Variants in VEPH1 observed in about 807,000 individuals in gnomAD.
VEPH1 encodes ventricular zone-expressed PH domain-containing protein homolog 1.
A neutral mutation model predicts 85.2 loss-of-function variants in VEPH1; 80 were observed. That is an observed-to-expected ratio of 0.94 (90% CI 0.78 to 1.13). The LOEUF (loss-of-function observed/expected upper bound fraction) is 1.13. VEPH1 is among the 50% of genes most tolerant of loss of function. The pLI, the probability that VEPH1 is intolerant of heterozygous loss-of-function variation, is 0.00. For missense variants in VEPH1, 955 were observed against 980.5 expected, an observed-to-expected ratio of 0.97 and a Z score of 0.35; for synonymous variants, 297 against 348.0, an observed-to-expected ratio of 0.85 and a Z score of 1.63.
At position 157,308,000 on chromosome 3, in the gene VEPH1, A is replaced by T. The variant is rs556744269; in HGVS notation, c.2010+5621T>A. ...GCTTTTCTACATTTTCTATTTAGTT[A>T]TTACTCACGTATAGATTTGTTATTG... On this transcript the variant is annotated intron_variant, in intron 11 of 13. Transcript: ENST00000362010. Among the ~76,000 whole-genome samples, 9 of 151,802 alleles carry T rather than the reference A, an allele frequency of 5.9e-5. No individual in the cohort carries two copies. In the South Asian group the frequency reaches 1.2e-3, roughly 21 times the overall value.
chr3:157,279,496 G>C (rs1173822946), intron 12 of VEPH1, among the ~76,000 whole-genome samples: 1 of 152,116 alleles, frequency 6.6e-6, no homozygotes, highest in African/African-American at 2.4e-5. Flanking sequence ...TGGCTTTAAA[G>C]GGGAAGTGAG....
intron 6 of VEPH1, chr3:157,413,549 C>G: frequency 6.1e-6 from 6 of 985,330 alleles, no homozygotes; most frequent in Non-Finnish European, 7.2e-6. Flanking sequence ...TCTTTCAGTG[C>G]TCTCTCCATT....
chr3:157,430,787 A>G (rs1733088244), intron 4 of VEPH1, among the ~76,000 whole-genome samples: 1 of 152,198 alleles, frequency 6.6e-6, no homozygotes, highest in Non-Finnish European at 1.5e-5. Context: ...TTTCTTTGTG[A>G]AGCAGTTGTA....
At chr3:157,401,806 G>C (rs558149274) in intron 6 of VEPH1, among the ~76,000 whole-genome samples, 2 of 151,848 alleles carry the variant, frequency 1.3e-5, no homozygotes, top group Non-Finnish European at 2.9e-5. Context: ...GAAGTAAGCA[G>C]AGAATGAACA....
intron 6 of VEPH1, among the ~76,000 whole-genome samples, chr3:157,411,034 G>T (rs1731492618): frequency 1.3e-5 from 2 of 152,178 alleles, no homozygotes; most frequent in South Asian, 4.1e-4. Flanking sequence ...TTTAGCTAAT[G>T]GATTGTAAAC....
At chr3:157,267,052 A>G (rs546074114) in intron 12 of VEPH1, among the ~76,000 whole-genome samples, 1 of 151,954 alleles carries the variant, frequency 6.6e-6, no homozygotes, top group East Asian at 1.9e-4. Flanking sequence ...CAGGATAAAA[A>G]TAATAAAATG....
intron 1 of VEPH1, among the ~76,000 whole-genome samples, chr3:157,502,896 G>C (rs578253025): frequency 4.6e-4 from 70 of 152,308 alleles, no homozygotes; most frequent in African/African-American, 1.5e-3. Flanking sequence ...CGTAGGCAGA[G>C]CCAGTTTCTT....
intron 3 of VEPH1, among the ~76,000 whole-genome samples, chr3:157,461,408 TG>T (rs1329992983): frequency 6.6e-6 from 1 of 152,218 alleles, no homozygotes; most frequent in Non-Finnish European, 1.5e-5. Flanking sequence ...GAAATAGCCC[TG>T]GACTCCTACT....
chr3:157,349,801 C>T (rs1034781583), intron 9 of VEPH1, among the ~76,000 whole-genome samples: 6 of 152,050 alleles, frequency 3.9e-5, no homozygotes, highest in Non-Finnish European at 5.9e-5. Context: ...CCACCACCTA[C>T]GAATCAATTT....
At chr3:157,316,069 A>C (rs1013020382) in intron 10 of VEPH1, 17 of 152,068 alleles carry the variant, frequency 1.1e-4, no homozygotes, top group African/African-American at 3.9e-4. Context: ...AGGCATGTCC[A>C]ATCTGTCTCT....
chr3:157,319,274 A>T (rs1397536998), intron 9 of VEPH1, among the ~76,000 whole-genome samples: 1 of 152,228 alleles, frequency 6.6e-6, no homozygotes, highest in Non-Finnish European at 1.5e-5. Context: ...TCTTGTATAA[A>T]ATCAGAAATC....
At chr3:157,287,417 A>G (rs1450281583) in intron 11 of VEPH1, among the ~76,000 whole-genome samples, 1 of 151,142 alleles carries the variant, frequency 6.6e-6, no homozygotes, top group Non-Finnish European at 1.5e-5. Context: ...TTGGCTTTAC[A>G]GGGGGCTGAT....
intron 11 of VEPH1, among the ~76,000 whole-genome samples, chr3:157,313,209 T>A (rs1458909349): frequency 6.6e-6 from 1 of 150,996 alleles, no homozygotes; most frequent in African/African-American, 2.4e-5. Flanking sequence ...CGGCCAACAT[T>A]TTTTTTTTAA....
rs1440750322 is a variant in VEPH1, at chr3:157,352,612, A to G, written c.1735+10752T>C. Among the ~76,000 whole-genome samples, 6 of 152,356 alleles carry G rather than the reference A, an allele frequency of 3.9e-5. No individual in the cohort carries two copies. The East Asian group carries it at 1.2e-3, about 29-fold the overall frequency. ...GCAGATGTCTAGAGAAAGGACAGGA[A>G]ATTAATATGAAAGAAAAGTTTTGTT... On this transcript the variant is annotated intron_variant, in intron 9 of 13. Transcript: ENST00000362010.
intron 5 of VEPH1, among the ~76,000 whole-genome samples, chr3:157,421,160 TC>T (rs766716090): frequency 1.3e-5 from 2 of 152,194 alleles, no homozygotes; most frequent in Non-Finnish European, 2.9e-5. Flanking sequence ...GTTAGCCACA[TC>T]GTGGAGCTCA....
rs16827724 is a variant in VEPH1, at chr3:157,478,646, C to T, written c.139-8117G>A. On this transcript the variant is annotated intron_variant, in intron 2 of 13. Transcript: ENST00000362010. ...TCAGAGAATTTTGAAAGGGGCCTTT[C>T]GAATGAAGCCATTGTGTACAGGATC... Among the ~76,000 whole-genome samples, 434 of 151,846 alleles carry T rather than the reference C, an allele frequency of 2.9e-3. 1 individual carries two copies. Among genetic ancestry groups the T allele is most frequent in the African/African-American group, 9.5e-3 (395 of 41,476 alleles).
intron 9 of VEPH1, among the ~76,000 whole-genome samples, chr3:157,357,709 T>C (rs1290342696): frequency 6.6e-6 from 1 of 152,142 alleles, no homozygotes; most frequent in Non-Finnish European, 1.5e-5. Context: ...GCCAGGCTAG[T>C]CTCGAACTCC....
intron 11 of VEPH1, among the ~76,000 whole-genome samples, chr3:157,289,039 G>A (rs1460657852): frequency 1.1e-4 from 16 of 152,166 alleles, no homozygotes; most frequent in Admixed American, 1.0e-3. Flanking sequence ...AAAGACTGAA[G>A]AAGCACCTGG....
In VEPH1 at chr3:157,470,368, G is replaced by C; in HGVS notation, c.300C>G (p.Asp100Glu). Reference sequence around the variant, plus strand: ...CGATTTTTGCATGAGGAGTGTCTTCGTCTTTCCCAAAGGGTCTCAGGTTAT... The same window carrying C: ...CGATTTTTGCATGAGGAGTGTCTTCCTCTTTCCCAAAGGGTCTCAGGTTAT... ...LEHNLRPFGK[D>E]EDTPHAKIAS... Residue 100 changes from aspartate to glutamate, a missense_variant, in exon 3 of 14, where the codon GAC (aspartate) becomes GAG (glutamate). Asp to Glu is a conservative substitution (Grantham distance 45, BLOSUM62 2). Coordinates refer to ENST00000362010, the MANE Select transcript of VEPH1 (RefSeq NM_001167912.2). 6.2e-7 allele frequency: 1 copy of C among 1,614,058 alleles called. No individual in the cohort carries two copies. Among genetic ancestry groups the C allele is most frequent in the Non-Finnish European group, 8.5e-7 (1 of 1,180,004 alleles).
Sources: allele counts gnomAD v4.1 joint callset (sites outside exome capture counted in the v4.1 genomes callset), GRCh38; gene constraint gnomAD v4.1.1; transcripts MANE v1.5; gene names NCBI Gene and HGNC (gene_info 2026-07-23, HGNC 2026-07-21).